PRDM10: variants seen among roughly 807,000 people sequenced by gnomAD.
PRDM10 encodes PR domain zinc finger protein 10.
PRDM10 carries 65 observed loss-of-function variants against 133.1 expected under a neutral mutation model. The observed-to-expected ratio is 0.49, with a 90% CI of 0.40 to 0.60. PRDM10 has a LOEUF of 0.60. Among genes scored for constraint, PRDM10 ranks in the 20% least tolerant of loss-of-function variants. The probability of loss-of-function intolerance (pLI) is 0.00; values close to 1 mark genes in which losing one functional copy is unlikely to be tolerated. For synonymous variants in PRDM10, 582 were observed against 580.4 expected (o/e 1.00, Z -0.04); for missense variants, 1,137 against 1,507.1 (o/e 0.75, Z 4.07).
At chr11:129,980,861 GTTTTTTTTTTTTT>G (rs60735364) in intron 1 of PRDM10, among the ~76,000 whole-genome samples, 124 of 102,152 alleles carry the variant, frequency 1.2e-3, no homozygotes, top group African/African-American at 5.0e-3. Flanking sequence ...GACATTTCTG[GTTTTTTTTTTTTT>G]TTTTTTTTTT....
intron 1 of PRDM10, among the ~76,000 whole-genome samples, chr11:129,998,529 T>G (rs1371540462): frequency 6.6e-6 from 1 of 152,236 alleles, no homozygotes; most frequent in African/African-American, 2.4e-5. Flanking sequence ...TAAACTATTG[T>G]GCACTATTGA....
intron 19 of PRDM10, 70 bp from the exon 20 acceptor site, chr11:129,905,811 A>T: frequency 7.7e-7 from 1 of 1,306,306 alleles, no homozygotes; most frequent in Non-Finnish European, 1.1e-6. Context: ...ACAAAAACAT[A>T]ACCAGTAGCC....
In PRDM10 at chr11:129,947,145, A is replaced by T; in HGVS notation, c.520T>A (p.Trp174Arg). 1 of 1,613,980 alleles carries T rather than the reference A, an allele frequency of 6.2e-7. No individual in the cohort carries two copies. Among genetic ancestry groups the T allele is most frequent in the Non-Finnish European group, 8.5e-7 (1 of 1,179,942 alleles). Residue 174 changes from tryptophan to arginine, a missense_variant and splice_region_variant, in exon 5 of 21, where the codon TGG (tryptophan) becomes AGG (arginine). By Grantham distance (101) the Trp-to-Arg change is moderately radical (BLOSUM62 -3). Transcript: ENST00000360871. This position sits in a 1 kb window ranked among gnomAD's most constrained non-coding sequence, Gnocchi z 4.6. Reference sequence around the variant, plus strand: ...GGGGGAGACCCGTGCCCACACTTACACAAGTCGTGTGGGTCGAAGGGCCGG... The same window carrying T: ...GGGGGAGACCCGTGCCCACACTTACTCAAGTCGTGTGGGTCGAAGGGCCGG... ...PPRPFDPHDL[W>R]CEECNNAHAS...
At chr11:129,969,567 G>A (rs1951973288) in intron 1 of PRDM10, among the ~76,000 whole-genome samples, 1 of 151,892 alleles carries the variant, frequency 6.6e-6, no homozygotes, top group African/African-American at 2.4e-5. Context: ...GCCAAGGTGG[G>A]CGGATCACTT....
chr11:129,991,107 A>C (rs761746856), intron 1 of PRDM10, among the ~76,000 whole-genome samples: 27 of 152,220 alleles, frequency 1.8e-4, no homozygotes, highest in Non-Finnish European at 3.8e-4. Flanking sequence ...TGCTAACATA[A>C]AGTGGGATAA....
In PRDM10 at chr11:129,942,582, G is replaced by A. The variant is rs140494865; in HGVS notation, c.810C>T (p.Asp270=). The change falls in exon 7 of 21, where the codon GAC becomes GAT. Residue 270 remains aspartate (D), a synonymous_variant. Coordinates refer to ENST00000360871, the MANE Select transcript of PRDM10 (RefSeq NM_199437.2). ...GDRKERDLHE[D]LWFELSDETL... ...TCTCATCAGACAACTCAAACCATAG[G>A]TCTTCATGTAAATCCCTTTCTTTCC... The A allele has an allele frequency of 2.6e-5, 42 of 1,612,714 alleles. No individual in the cohort carries two copies. The African/African-American group carries it at 5.1e-4, about 19-fold the overall frequency.
intron 19 of PRDM10, among the ~76,000 whole-genome samples, chr11:129,909,305 C>A (rs1340291206): frequency 6.6e-6 from 1 of 151,782 alleles, no homozygotes. Context: ...CAAAAATTAG[C>A]TGGGCGTGGT....
At chr11:129,986,059 G>A (rs1201939686) in intron 1 of PRDM10, among the ~76,000 whole-genome samples, 1 of 151,906 alleles carries the variant, frequency 6.6e-6, no homozygotes, top group African/African-American at 2.4e-5. Context: ...GGCAGAGTCT[G>A]GGGTGTGTGG....
At position 129,925,723 on chromosome 11, in the gene PRDM10, C is replaced by CAA. The variant is rs3838795; in HGVS notation, c.1531-496_1531-495dup. ...AAAACAAAACAAACAAACAAACAAA[C>CAA]AAAAAAACAATAAAAAGAACTGAAG... On this transcript the variant is annotated intron_variant, in intron 11 of 20. Coordinates refer to ENST00000360871, the MANE Select transcript of PRDM10 (RefSeq NM_199437.2). Among the ~76,000 whole-genome samples the CAA allele has an allele frequency of 5.3e-5, 8 of 151,584 alleles. No individual in the cohort carries two copies. In the East Asian group the frequency reaches 5.8e-4, roughly 11 times the overall value.
chr11:129,977,277 C>CACACAG (rs1167269334), intron 1 of PRDM10, among the ~76,000 whole-genome samples: 3,897 of 151,288 alleles, frequency 0.026, 129 homozygotes, highest in East Asian at 0.1. Context: ...CACACACACA[C>CACACAG]ACACACACAC....
At position 129,901,059 on chromosome 11, in the gene PRDM10, G is replaced by T. The variant is rs1269693638; in HGVS notation, c.*1254C>A. 1 of 152,538 alleles carries T rather than the reference G, an allele frequency of 6.6e-6. No homozygotes were observed. The highest frequency in any genetic ancestry group is 1.9e-4 in the East Asian group (1 of 5,196). 9.4% of individuals were successfully genotyped at this position (152,538 alleles called of 1,614,324 possible). On this transcript the variant is annotated 3_prime_UTR_variant, in exon 21 of 21. Coordinates refer to ENST00000360871, the MANE Select transcript of PRDM10 (RefSeq NM_199437.2). Reference sequence around the variant, plus strand: ...CAATAATTATTCTGAAAATGTGTTAGCATGTCACAAAAAGTTAAAATATAT... The same window carrying T: ...CAATAATTATTCTGAAAATGTGTTATCATGTCACAAAAAGTTAAAATATAT...
At chr11:129,909,311 G>A (rs1052474047) in intron 19 of PRDM10, among the ~76,000 whole-genome samples, 5 of 151,726 alleles carry the variant, frequency 3.3e-5, no homozygotes, top group African/African-American at 1.2e-4. Flanking sequence ...TTAGCTGGGC[G>A]TGGTGGCGGG....
intron 1 of PRDM10, among the ~76,000 whole-genome samples, chr11:129,988,834 T>C (rs973324024): frequency 2.1e-4 from 32 of 152,088 alleles, no homozygotes; most frequent in Admixed American, 1.3e-3. Context: ...TTTCACCGTG[T>C]TAGCCAGGAT....
Position 129,912,194 on chromosome 11 carries a change from G to A in PRDM10, c.2873C>T (p.Thr958Ile). 1.2e-6 allele frequency: 2 copies of A among 1,607,336 alleles called. No homozygotes were observed. The highest frequency in any genetic ancestry group is 1.7e-6 in the Non-Finnish European group (2 of 1,175,716). Residue 958 changes from threonine (T) to isoleucine (I), a missense_variant, in exon 18 of 21, where the codon ACT becomes ATT. Around this residue, in one of 6 missense-constraint regions of PRDM10, gnomAD observed 243 missense variants for 259.2 expected, o/e 0.94. Transcript: ENST00000360871. ...ATSPHQSQQSTVDVGQLHDPQ... is the reference protein window; with the variant it reads ...ATSPHQSQQSIVDVGQLHDPQ... ...ATCATGGAGCTGGCCAACATCCACA[G>A]TGGACTGCTGTGACTGGTGAGGGGA...
chr11:129,908,589 T>C (rs1318682349), intron 19 of PRDM10, among the ~76,000 whole-genome samples: 1 of 152,106 alleles, frequency 6.6e-6, no homozygotes. Context: ...GAGACAAGGT[T>C]GGGTGTAAGT....
chr11:129,959,925 C>CTT (rs112833018), intron 2 of PRDM10, among the ~76,000 whole-genome samples: 4 of 138,330 alleles, frequency 2.9e-5, no homozygotes, highest in African/African-American at 2.6e-5. Context: ...GCTAATTTTT[C>CTT]TTTTTTTTTT....
intron 20 of PRDM10, among the ~76,000 whole-genome samples, chr11:129,904,586 G>A (rs549669895): frequency 2.2e-4 from 33 of 152,010 alleles, no homozygotes; most frequent in South Asian, 1.0e-3. Context: ...TGCAACCTCC[G>A]CCTCCCAGGT....
intron 20 of PRDM10, among the ~76,000 whole-genome samples, chr11:129,904,286 C>T (rs1051577266): frequency 2.6e-5 from 4 of 151,854 alleles, no homozygotes; most frequent in African/African-American, 4.8e-5. Flanking sequence ...CATTGAAGAG[C>T]ATTTTTCCTT....
intron 1 of PRDM10, among the ~76,000 whole-genome samples, chr11:129,988,893 T>G (rs1938579899): frequency 6.6e-6 from 1 of 152,060 alleles, no homozygotes; most frequent in Non-Finnish European, 1.5e-5. Flanking sequence ...CCTCCCAAAG[T>G]GCTGGGATTA....
Sources: allele counts gnomAD v4.1 joint callset (sites outside exome capture counted in the v4.1 genomes callset), GRCh38; gene constraint gnomAD v4.1.1; regional missense constraint gnomAD v4.1.1; non-coding constraint Gnocchi (gnomAD v3.1); transcripts MANE v1.5; gene names NCBI Gene and HGNC (gene_info 2026-07-23, HGNC 2026-07-21).